The following EFCAB14 variants were observed in gnomAD, a reference collection of about 807,000 sequenced individuals.
EFCAB14 encodes the protein EF-hand calcium binding domain 14, also known as EF-hand calcium-binding domain-containing protein 14.
Under a neutral mutation model 56.5 loss-of-function variants are expected in EFCAB14, and 43 were observed. The observed-to-expected ratio is 0.76, with a 90% CI of 0.60 to 0.98. EFCAB14 has a LOEUF of 0.98. Among genes scored for constraint, EFCAB14 ranks in the 50% least tolerant of loss-of-function variants. The probability of loss-of-function intolerance (pLI) is 0.00; values close to 1 mark genes in which losing one functional copy is unlikely to be tolerated. For missense variants in EFCAB14, 538 were observed against 580.3 expected (o/e 0.93, Z 0.75); for synonymous variants, 235 against 212.9 (o/e 1.10, Z -0.90).
chr1:46,718,379 G>A lies in EFCAB14; in HGVS notation c.-292C>T, dbSNP rs1368052074. ...GCAGAGTGTTAGTAGAGGGTGGAGA[G>A]GGACCTTTATCTCCCAAAGGGCGAA... On this transcript the variant is annotated 5_prime_UTR_variant, in exon 1 of 11. Coordinates refer to ENST00000371933, the MANE Select transcript of EFCAB14 (RefSeq NM_014774.3). The A allele has an allele frequency of 7.4e-6, 2 of 271,748 alleles. No homozygotes were observed. Among genetic ancestry groups the A allele is most frequent in the Non-Finnish European group, 1.4e-5 (2 of 143,538 alleles). The allele number at this position is 271,748 out of a possible 1,614,324, so 16.8% of individuals were successfully genotyped here.
chr1:46,700,468 A>C (rs1677138826), intron 3 of EFCAB14, among the ~76,000 whole-genome samples: 1 of 152,212 alleles, frequency 6.6e-6, no homozygotes, highest in African/African-American at 2.4e-5. Context: ...TTCCTAAGAG[A>C]AGCAATTACA....
intron 4 of EFCAB14, among the ~76,000 whole-genome samples, chr1:46,694,017 C>G (rs1447691347): frequency 2.0e-5 from 3 of 152,206 alleles, no homozygotes; most frequent in Admixed American, 6.5e-5. Context: ...GGAAAACTGG[C>G]TAGCCATATG....
chr1:46,717,957 C>G lies in EFCAB14; in HGVS notation c.131G>C (p.Ser44Thr), dbSNP rs149633472. ...ACCGAATTCCTCTTCCTCTTCGGAG[C>G]TGGACTCAGAGTCTGAGTCGGGAGG... ...TEPPDSDSES[S>T]SEEEEEFGVV... The change falls in exon 1 of 11, where the codon AGC (serine) becomes ACC (threonine). Residue 44 changes from serine (S) to threonine (T), a missense_variant. Coordinates refer to ENST00000371933, the MANE Select transcript of EFCAB14 (RefSeq NM_014774.3). 4.3e-6 allele frequency: 7 copies of G among 1,614,086 alleles called. No individual in the cohort carries two copies. The highest frequency in any genetic ancestry group is 4.0e-5 in the African/African-American group (3 of 74,950).
intron 9 of EFCAB14, 142 bp from the exon 10 acceptor site, chr1:46,683,567 G>C: frequency 1.1e-6 from 1 of 911,590 alleles, no homozygotes; most frequent in Non-Finnish European, 1.6e-6. Flanking sequence ...TAGTGACTAT[G>C]TGAAGTTAAA....
intron 3 of EFCAB14, among the ~76,000 whole-genome samples, chr1:46,703,519 C>T (rs913792727): frequency 5.3e-5 from 8 of 152,156 alleles, no homozygotes; most frequent in African/African-American, 1.9e-4. Flanking sequence ...ATTGAACCCA[C>T]AGCCAGCAGA....
intron 3 of EFCAB14, 73 bp downstream of exon 3, chr1:46,707,833 T>C (rs1166679910): frequency 2.7e-6 from 4 of 1,461,758 alleles, no homozygotes; most frequent in Non-Finnish European, 3.7e-6. Flanking sequence ...CCTACAATTC[T>C]CTATATCCTA....
intron 2 of EFCAB14, among the ~76,000 whole-genome samples, chr1:46,709,511 G>A (rs1262979260): frequency 6.6e-6 from 1 of 152,088 alleles, no homozygotes; most frequent in Admixed American, 6.6e-5. Flanking sequence ...TTACTCATCG[G>A]TCTCCTCTAC....
intron 1 of EFCAB14, 102 bp downstream of exon 1, chr1:46,717,801 C>A: frequency 7.5e-7 from 1 of 1,324,578 alleles, no homozygotes. Context: ...GGCCTACACC[C>A]TTTTTTCTTC....
intron 3 of EFCAB14, among the ~76,000 whole-genome samples, chr1:46,704,781 G>C (rs998846649): frequency 6.6e-6 from 1 of 152,144 alleles, no homozygotes; most frequent in Admixed American, 6.5e-5. Context: ...AAGAGGGAAT[G>C]AGTATAAAAC....
At chr1:46,688,018 G>A (rs1676914724) in intron 7 of EFCAB14, among the ~76,000 whole-genome samples, 3 of 152,128 alleles carry the variant, frequency 2.0e-5, no homozygotes, top group Admixed American at 2.0e-4. Context: ...GACCCAAAAG[G>A]CCCTCGGAAA....
chr1:46,699,081 T>G lies in EFCAB14; in HGVS notation c.481-2432A>C, dbSNP rs78211122. Among the ~76,000 whole-genome samples the G allele has an allele frequency of 6.0e-3, 919 of 152,246 alleles. 10 individuals carry two copies. The highest frequency in any genetic ancestry group is 0.034 in the East Asian group (174 of 5,184). ...GAATTAAGGGAAACTCTTAGGTCTC[T>G]CACCTCAAGGAGCTTTCAATATAAC... On this transcript the variant is annotated intron_variant, in intron 3 of 10. Transcript: ENST00000371933.
intron 2 of EFCAB14, among the ~76,000 whole-genome samples, chr1:46,709,222 T>C (rs1219650348): frequency 6.6e-6 from 1 of 152,198 alleles, no homozygotes; most frequent in Non-Finnish European, 1.5e-5. Context: ...TATTTCACCT[T>C]TGCTTAACTT....
At chr1:46,689,505 C>T in intron 6 of EFCAB14, 82 bp downstream of exon 6, 1 of 1,338,750 alleles carries the variant, frequency 7.5e-7, no homozygotes, top group East Asian at 2.3e-5. Flanking sequence ...CCTGCTGAGA[C>T]ACCAAACACT....
chr1:46,684,299 G>T, intron 9 of EFCAB14, 192 bp downstream of exon 9: 2 of 554,240 alleles, frequency 3.6e-6, no homozygotes, highest in Non-Finnish European at 3.2e-6. Context: ...TCCCTTAATA[G>T]ACTAGAGTAC....
chr1:46,709,212 T>C (rs1677274062), intron 2 of EFCAB14, among the ~76,000 whole-genome samples: 1 of 152,232 alleles, frequency 6.6e-6, no homozygotes, highest in Non-Finnish European at 1.5e-5. Flanking sequence ...CCTGAATAAA[T>C]ATTTCACCTT....
At chr1:46,713,203 T>TC (rs1331186629) in intron 2 of EFCAB14, among the ~76,000 whole-genome samples, 2 of 152,090 alleles carry the variant, frequency 1.3e-5, no homozygotes, top group African/African-American at 4.8e-5. Context: ...TTCCCTACCC[T>TC]CCCTCAGGAA....
chr1:46,703,468 T>G (rs1194781347), intron 3 of EFCAB14, among the ~76,000 whole-genome samples: 1 of 152,154 alleles, frequency 6.6e-6, no homozygotes, highest in African/African-American at 2.4e-5. Context: ...GTATTTCTGT[T>G]TAAAGACATC....
intron 3 of EFCAB14, among the ~76,000 whole-genome samples, chr1:46,704,276 C>A (rs1393587307): frequency 1.3e-5 from 2 of 151,500 alleles, no homozygotes; most frequent in Non-Finnish European, 2.9e-5. Context: ...AATAGTGAGA[C>A]CCTGTCTCTA....
At chr1:46,716,791 C>T (rs1336773321) in intron 1 of EFCAB14, among the ~76,000 whole-genome samples, 1 of 152,210 alleles carries the variant, frequency 6.6e-6, no homozygotes, top group Non-Finnish European at 1.5e-5. Flanking sequence ...TCCATCTCTG[C>T]ACTGGAATTT....
Sources: gnomAD v4.1 joint callset for allele counts (sites outside exome capture counted in the v4.1 genomes callset) on GRCh38, gnomAD v4.1.1 for gene constraint, MANE v1.5 for transcripts, NCBI Gene and HGNC (gene_info 2026-07-23, HGNC 2026-07-21) for gene names.